The following HTR2C variants were observed in gnomAD, a reference collection of about 807,000 sequenced individuals.
HTR2C encodes 5-hydroxytryptamine (serotonin) receptor 2C, G protein-coupled.
In HTR2C, 5 loss-of-function variants were observed where a neutral mutation model predicts 21.0. That is an observed-to-expected ratio of 0.24 (90% CI 0.12 to 0.50). HTR2C has a LOEUF of 0.50. Among genes scored for constraint, HTR2C ranks in the 20% least tolerant of loss-of-function variants. The pLI is 0.98. For synonymous variants in HTR2C, 150 were observed against 145.3 expected, an observed-to-expected ratio of 1.03 and a Z score of -0.23; for missense variants, 271 against 371.2, an observed-to-expected ratio of 0.73 and a Z score of 2.22.
chrX:114,795,560 T>C (rs1209091055), intron 4 of HTR2C, among the ~76,000 whole-genome samples: 2 of 111,737 alleles, frequency 1.8e-5, no homozygotes, highest in Non-Finnish European at 3.8e-5. Flanking sequence ...AAGGAAGGGA[T>C]CCAGTTTCAG....
intron 4 of HTR2C, among the ~76,000 whole-genome samples, chrX:114,801,884 G>C (rs782746300): frequency 9.0e-6 from 1 of 110,747 alleles, no homozygotes; most frequent in South Asian, 3.8e-4. Context: ...TAGTCACCCT[G>C]CTGTGCTATC....
intron 4 of HTR2C, among the ~76,000 whole-genome samples, chrX:114,806,575 ATAT>A: frequency 2.5e-4 from 1 of 4,022 alleles, no homozygotes; most frequent in Admixed American, 6.6e-3. Context: ...TACATCATAT[ATAT>A]CATATATATC....
intron 5 of HTR2C, among the ~76,000 whole-genome samples, chrX:114,904,004 A>G (rs187330571): frequency 2.2e-3 from 247 of 111,931 alleles, no homozygotes; most frequent in Non-Finnish European, 3.3e-3. Flanking sequence ...ACACATTGTC[A>G]GAAAATGGCC....
intron 4 of HTR2C, among the ~76,000 whole-genome samples, chrX:114,810,964 T>G (rs1001005716): frequency 1.8e-5 from 2 of 111,274 alleles, no homozygotes; most frequent in African/African-American, 6.5e-5. Flanking sequence ...TTAAAACCAG[T>G]TTATATATTT....
chrX:114,799,111 A>T (rs782764203), intron 4 of HTR2C, among the ~76,000 whole-genome samples: 3 of 110,369 alleles, frequency 2.7e-5, no homozygotes, highest in Non-Finnish European at 5.7e-5. Flanking sequence ...GTGCCATATG[A>T]AGTAAGAGAA....
chrX:114,718,517 C>T (rs909434739), intron 2 of HTR2C, among the ~76,000 whole-genome samples: 4 of 111,763 alleles, frequency 3.6e-5, no homozygotes, highest in Non-Finnish European at 5.6e-5. Flanking sequence ...TAAATTTTCA[C>T]ATTAGTTGAG....
At chrX:114,587,367 A>T (rs1927443386) in intron 1 of HTR2C, among the ~76,000 whole-genome samples, 1 of 111,672 alleles carries the variant, frequency 9.0e-6, no homozygotes, top group African/African-American at 3.3e-5. Flanking sequence ...AGGATGATGT[A>T]CGTGTACTGA....
chrX:114,631,255 G>A (rs1388497877), intron 2 of HTR2C, among the ~76,000 whole-genome samples: 3 of 108,691 alleles, frequency 2.8e-5, no homozygotes, highest in South Asian at 4.1e-4. Context: ...GCAGTGAGCC[G>A]AGATCGCGCC....
intron 5 of HTR2C, among the ~76,000 whole-genome samples, chrX:114,871,636 G>T (rs868988211): frequency 9.9e-6 from 1 of 101,291 alleles, no homozygotes. Context: ...ATCTTCATCT[G>T]TTTTTTTTTT....
At position 114,909,879 on chromosome X, in the gene HTR2C, T is replaced by G. The variant is rs782698057; in HGVS notation, c.*2464T>G. ...AATCATTTTGATGTATTATTATATA[T>G]GTATATCTGTGTAAGACACGTGCAA... On this transcript the variant is annotated 3_prime_UTR_variant, in exon 6 of 6. Coordinates refer to ENST00000276198, the MANE Select transcript of HTR2C (RefSeq NM_000868.4). 8.9e-6 allele frequency: 1 copy of G among 112,502 alleles called. No homozygotes were observed. Among genetic ancestry groups the G allele is most frequent in the Non-Finnish European group, 1.9e-5 (1 of 53,266 alleles). 9.3% of individuals were successfully genotyped at this position (112,502 alleles called of 1,213,427 possible).
chrX:114,863,880 T>C (rs1277649587), intron 5 of HTR2C, among the ~76,000 whole-genome samples: 2 of 111,687 alleles, frequency 1.8e-5, no homozygotes, highest in Non-Finnish European at 3.8e-5. Flanking sequence ...CTTTTAACAT[T>C]AAATAATGTC....
intron 5 of HTR2C, among the ~76,000 whole-genome samples, chrX:114,875,261 G>A (rs924653009): frequency 2.2e-4 from 25 of 111,618 alleles, no homozygotes; most frequent in African/African-American, 8.1e-4. Context: ...TGGAAGTTAG[G>A]ATTCCAACAT....
At chrX:114,724,550 C>T (rs1389293059) in intron 2 of HTR2C, among the ~76,000 whole-genome samples, 1 of 58,015 alleles carries the variant, frequency 1.7e-5, no homozygotes, top group Non-Finnish European at 3.5e-5. Flanking sequence ...GAATTTGATC[C>T]CATCATTATG....
chrX:114,636,172 C>G (rs1197498245), intron 2 of HTR2C, among the ~76,000 whole-genome samples: 3 of 108,730 alleles, frequency 2.8e-5, no homozygotes, highest in Non-Finnish European at 5.7e-5. Context: ...TGCTAATCAC[C>G]TAACAGGAAA....
At chrX:114,867,815 T>A (rs2071057964) in intron 5 of HTR2C, among the ~76,000 whole-genome samples, 1 of 111,383 alleles carries the variant, frequency 9.0e-6, no homozygotes, top group South Asian at 3.7e-4. Flanking sequence ...GAGTTCACTG[T>A]AGCTGTGTAG....
At chrX:114,743,488 A>G (rs1291639019) in intron 4 of HTR2C, among the ~76,000 whole-genome samples, 1 of 112,323 alleles carries the variant, frequency 8.9e-6, no homozygotes, top group African/African-American at 3.2e-5. Flanking sequence ...TAAAAAATAT[A>G]TAGCATAGGC....
At chrX:114,645,098 T>G (rs2147829614) in intron 2 of HTR2C, among the ~76,000 whole-genome samples, 1 of 110,950 alleles carries the variant, frequency 9.0e-6, no homozygotes, top group South Asian at 3.8e-4. Flanking sequence ...CTCTATTGTT[T>G]GAGGGCAGGG....
chrX:114,615,366 A>G (rs1400155366), intron 2 of HTR2C, among the ~76,000 whole-genome samples: 1 of 103,007 alleles, frequency 9.7e-6, no homozygotes, highest in Non-Finnish European at 2.0e-5. Flanking sequence ...CAGAGGGGAA[A>G]AAATAAAAAA....
At chrX:114,884,395 A>T (rs1412865280) in intron 5 of HTR2C, among the ~76,000 whole-genome samples, 1 of 111,546 alleles carries the variant, frequency 9.0e-6, no homozygotes, top group Non-Finnish European at 1.9e-5. Flanking sequence ...AAATGTTTGT[A>T]AACCATACAT....
Sources: allele counts gnomAD v4.1 joint callset (sites outside exome capture counted in the v4.1 genomes callset), GRCh38; gene constraint gnomAD v4.1.1; transcripts MANE v1.5; gene names NCBI Gene and HGNC (gene_info 2026-07-23, HGNC 2026-07-21).